The following TMEM39B variants were observed in gnomAD, a reference collection of about 807,000 sequenced individuals.
TMEM39B encodes the protein transmembrane protein 39B.
A neutral mutation model predicts 52.2 loss-of-function variants in TMEM39B; 23 were observed. The observed-to-expected ratio is 0.44, with a 90% CI of 0.32 to 0.62. TMEM39B has a LOEUF of 0.62. TMEM39B is among the 20% of genes least tolerant of loss of function. The probability of loss-of-function intolerance (pLI) is 0.06; values close to 1 mark genes in which losing one functional copy is unlikely to be tolerated. For missense variants in TMEM39B, 547 were observed against 642.0 expected (o/e 0.85, Z 1.60); for synonymous variants, 285 against 264.0 (o/e 1.08, Z -0.77).
chr1:32,073,139 A>T (rs1043626231), intron 1 of TMEM39B, 88 bp downstream of exon 1: 9 of 1,352,208 alleles, frequency 6.7e-6, no homozygotes, highest in Non-Finnish European at 8.6e-6. Context: ...CCACGCGGAC[A>T]GGAGCCCGGT....
chr1:32,089,902 G>C (rs969084470), intron 5 of TMEM39B, among the ~76,000 whole-genome samples: 2 of 151,874 alleles, frequency 1.3e-5, no homozygotes, highest in African/African-American at 4.8e-5. Context: ...GATGGCGGGT[G>C]CCTGTAATCC....
At position 32,102,697 on chromosome 1, in the gene TMEM39B, G is replaced by A; in HGVS notation, c.*24G>A. ...GAGCCCTGGGGTCACCTCAGGGACA[G>A]CGTCCAGGCTTCAGCCAAGGGCTCC... is the stretch of plus-strand genomic sequence containing the variant. On this transcript the variant is annotated 3_prime_UTR_variant, in exon 9 of 9. Coordinates refer to ENST00000336294, the MANE Select transcript of TMEM39B (RefSeq NM_018056.4). 2.0e-6 allele frequency: 3 copies of A among 1,479,958 alleles called. No homozygotes were observed. Among genetic ancestry groups the A allele is most frequent in the Non-Finnish European group, 2.7e-6 (3 of 1,109,570 alleles). The allele number at this position is 1,479,958 out of a possible 1,614,324, so 91.7% of individuals were successfully genotyped here.
chr1:32,091,684 G>A lies in TMEM39B; in HGVS notation c.600G>A (p.Met200Ile), dbSNP rs1339337683. Residue 200 changes from methionine (M) to isoleucine (I), a missense_variant, in exon 6 of 9, where the codon ATG becomes ATA. By Grantham distance (10) the Met-to-Ile change is conservative. Coordinates refer to ENST00000336294, the MANE Select transcript of TMEM39B (RefSeq NM_018056.4). Reference sequence around the variant, plus strand: ...CCGTCTTCCCCAGCAGGTTTGGGATGTACATTCCGTTCCTGCAGCTGAATT... The same window carrying A: ...CCGTCTTCCCCAGCAGGTTTGGGATATACATTCCGTTCCTGCAGCTGAATT... ...NLLFLCYPFG[M>I]YIPFLQLNCD... The A allele has an allele frequency of 2.5e-6, 4 of 1,600,780 alleles. No individual in the cohort carries two copies. The African/African-American group carries it at 5.3e-5, about 21-fold the overall frequency.
chr1:32,074,443 A>G (rs768777270), intron 1 of TMEM39B, among the ~76,000 whole-genome samples: 3 of 152,194 alleles, frequency 2.0e-5, no homozygotes, highest in Admixed American at 6.5e-5. Context: ...TCACTCATCA[A>G]CATATACTTG....
chr1:32,073,120 A>AT, intron 1 of TMEM39B, 69 bp downstream of exon 1: 2 of 1,374,010 alleles, frequency 1.5e-6, no homozygotes, highest in South Asian at 3.3e-5. Context: ...CAGGCTGCTA[A>AT]TTGCTGCTCC....
At chr1:32,093,191 C>G (rs575760727) in intron 6 of TMEM39B, among the ~76,000 whole-genome samples, 4 of 150,188 alleles carry the variant, frequency 2.7e-5, no homozygotes, top group African/African-American at 9.8e-5. Flanking sequence ...CTCCACCTCC[C>G]AGGTTCAAGC....
intron 5 of TMEM39B, among the ~76,000 whole-genome samples, chr1:32,081,003 G>A (rs905605919): frequency 1.1e-4 from 17 of 151,784 alleles, no homozygotes; most frequent in African/African-American, 2.7e-4. Flanking sequence ...GCACTTCAGC[G>A]TGGACAACAG....
intron 6 of TMEM39B, among the ~76,000 whole-genome samples, chr1:32,092,512 A>G (rs1321445723): frequency 1.3e-5 from 2 of 151,006 alleles, no homozygotes; most frequent in African/African-American, 4.9e-5. Context: ...TTTTTTTGAG[A>G]CAGAGTCTCA....
intron 5 of TMEM39B, among the ~76,000 whole-genome samples, chr1:32,089,002 AGT>A (rs1465881136): frequency 1.4e-4 from 22 of 152,250 alleles, no homozygotes; most frequent in South Asian, 4.2e-4. Flanking sequence ...TGAGAAAACT[AGT>A]GTAATACCTT....
At chr1:32,082,009 G>A (rs1640118788) in intron 5 of TMEM39B, among the ~76,000 whole-genome samples, 1 of 152,046 alleles carries the variant, frequency 6.6e-6, no homozygotes, top group African/African-American at 2.4e-5. Flanking sequence ...AGATGATTTA[G>A]CTCACGATCC....
chr1:32,083,641 C>G (rs915920770), intron 5 of TMEM39B, among the ~76,000 whole-genome samples: 2 of 151,398 alleles, frequency 1.3e-5, no homozygotes, highest in South Asian at 4.2e-4. Context: ...TCAGGATGGT[C>G]TCGATCTCCT....
chr1:32,085,576 C>T (rs547354261), intron 5 of TMEM39B, among the ~76,000 whole-genome samples: 9 of 152,124 alleles, frequency 5.9e-5, no homozygotes, highest in Non-Finnish European at 1.2e-4. Flanking sequence ...CATGGTGAAA[C>T]CCTGTCTCTA....
intron 5 of TMEM39B, among the ~76,000 whole-genome samples, chr1:32,086,440 A>C (rs1640353853): frequency 6.6e-6 from 1 of 152,150 alleles, no homozygotes; most frequent in African/African-American, 2.4e-5. Context: ...AGTGTAAAAT[A>C]CACACCGATT....
At chr1:32,100,597 C>T in intron 8 of TMEM39B, 35 bp downstream of exon 8, 1 of 1,613,826 alleles carries the variant, frequency 6.2e-7, no homozygotes, top group Non-Finnish European at 8.5e-7. Context: ...GGGTTGGGGC[C>T]TGAGAGGGTG....
intron 2 of TMEM39B, among the ~76,000 whole-genome samples, chr1:32,075,300 C>T (rs190323007): frequency 6.6e-6 from 1 of 152,316 alleles, no homozygotes; most frequent in Admixed American, 6.5e-5. Context: ...ATTCTAATTA[C>T]AGTTCTGCTC....
At chr1:32,072,766 C>T (rs1302312981), upstream of TMEM39B, 5 of 516,206 alleles carry the variant, frequency 9.7e-6, no homozygotes, top group Non-Finnish European at 1.7e-5. Flanking sequence ...AGGTGGGTTC[C>T]GTTCCCCTCC....
At chr1:32,083,076 G>GTTTTT (rs763745093) in intron 5 of TMEM39B, among the ~76,000 whole-genome samples, 35 of 85,876 alleles carry the variant, frequency 4.1e-4, no homozygotes, top group African/African-American at 5.7e-4. Context: ...GCCCAGCCTG[G>GTTTTT]TTTTTTTTTT....
chr1:32,079,213 C>CT (rs1639990493), intron 5 of TMEM39B, among the ~76,000 whole-genome samples: 2 of 140,668 alleles, frequency 1.4e-5, no homozygotes, highest in African/African-American at 2.6e-5. Context: ...GAGATGGAGT[C>CT]TCGCTCTGTC....
intron 7 of TMEM39B, among the ~76,000 whole-genome samples, chr1:32,099,636 AG>A (rs1199800346): frequency 1.3e-5 from 2 of 152,146 alleles, no homozygotes; most frequent in East Asian, 3.9e-4. Flanking sequence ...AGAGTGCTGG[AG>A]GAACGAGAAA....
Sources: allele counts gnomAD v4.1 joint callset (sites outside exome capture counted in the v4.1 genomes callset), GRCh38; gene constraint gnomAD v4.1.1; transcripts MANE v1.5; gene names NCBI Gene and HGNC (gene_info 2026-07-23, HGNC 2026-07-21).